The following CENPL variants were observed in gnomAD, a reference collection of about 807,000 sequenced individuals.
CENPL encodes the protein centromere protein L.
CENPL carries 20 observed loss-of-function variants against 35.2 expected under a neutral mutation model. The ratio of observed to expected loss-of-function variants is 0.57; its 90% confidence interval spans 0.40 to 0.83. CENPL has a LOEUF of 0.83. Ranked by LOEUF, CENPL falls within the 40% of genes least tolerant of loss-of-function variation. The pLI is 0.00. For synonymous variants in CENPL, 140 were observed against 140.6 expected (o/e 1.00, Z 0.03); for missense variants, 363 against 395.8 (o/e 0.92, Z 0.70).
intron 5 of CENPL, among the ~76,000 whole-genome samples, chr1:173,800,816 G>A (rs556589864): frequency 3.0e-4 from 45 of 152,120 alleles, no homozygotes; most frequent in Non-Finnish European, 5.3e-4. Flanking sequence ...AAACAGCCAG[G>A]TGTAATGGTA....
chr1:173,812,420 C>A (rs965078517), intron 2 of CENPL, among the ~76,000 whole-genome samples: 1 of 152,182 alleles, frequency 6.6e-6, no homozygotes, highest in Non-Finnish European at 1.5e-5. Flanking sequence ...CCAGTAGGGG[C>A]CGACTGACAC....
rs575833672 is a variant in CENPL, at chr1:173,817,705, CAT to C, written c.-8+6219_-8+6220del. 5.9e-5 allele frequency among the ~76,000 whole-genome samples: 9 copies of C among 152,286 alleles called. No individual in the cohort carries two copies. The South Asian group carries it at 1.2e-3, about 21-fold the overall frequency. On this transcript the variant is annotated intron_variant, in intron 2 of 5. Transcript: ENST00000682279. ...ATGCTATTATAAAGACACATGCACA[CAT>C]ATGTTTATTGCGGCACTATTCACAA...
chr1:173,805,509 C>CAAAAAAAAAA (rs1409340810), intron 4 of CENPL, among the ~76,000 whole-genome samples: 1 of 78,198 alleles, frequency 1.3e-5, no homozygotes, highest in African/African-American at 4.2e-5. Context: ...GAAGCTGTCT[C>CAAAAAAAAAA]AAAAAAAAAA....
chr1:173,801,081 T>G (rs1649704907), intron 5 of CENPL, among the ~76,000 whole-genome samples: 1 of 152,206 alleles, frequency 6.6e-6, no homozygotes, highest in South Asian at 2.1e-4. Flanking sequence ...AAAACATGAA[T>G]ATAGTGCTTA....
chr1:173,817,755 C>T (rs1313449359), intron 2 of CENPL, among the ~76,000 whole-genome samples: 2 of 152,092 alleles, frequency 1.3e-5, no homozygotes, highest in Non-Finnish European at 2.9e-5. Context: ...GGAACCAACC[C>T]AAATGTCCAC....
chr1:173,822,568 T>C (rs2102620145), intron 2 of CENPL: 1 of 152,314 alleles, frequency 6.6e-6, no homozygotes. Flanking sequence ...GCTTCACATC[T>C]TATTCAATCT....
At position 173,800,529 on chromosome 1, in the gene CENPL, GA is replaced by G; in HGVS notation, c.964-11del. On this transcript the variant is annotated splice_polypyrimidine_tract_variant and intron_variant, in intron 5 of 5. Coordinates refer to ENST00000682279, the MANE Select transcript of CENPL (RefSeq NM_001387287.1). ...ATTTATGACACAGAATCTGCAAAAA[GA>G]AAAAGAAGGAGACATTTAAAATTAG... 1 of 1,169,982 alleles carries G rather than the reference GA, an allele frequency of 8.5e-7. No homozygotes were observed. Among genetic ancestry groups the G allele is most frequent in the Non-Finnish European group, 1.3e-6 (1 of 797,304 alleles). The allele number at this position is 1,169,982 out of a possible 1,614,324, so 72.5% of individuals were successfully genotyped here.
At chr1:173,823,178 T>G (rs528077619) in intron 2 of CENPL, 1 of 152,376 alleles carries the variant, frequency 6.6e-6, no homozygotes, top group East Asian at 1.9e-4. Context: ...GTCACCACTT[T>G]TATCATTACC....
intron 2 of CENPL, among the ~76,000 whole-genome samples, chr1:173,820,887 G>T (rs1244289048): frequency 6.6e-6 from 1 of 152,176 alleles, no homozygotes; most frequent in Non-Finnish European, 1.5e-5. Context: ...CAGGGAAAGG[G>T]AAGAGGGTGG....
At chr1:173,814,924 T>A (rs574246889) in intron 2 of CENPL, among the ~76,000 whole-genome samples, 28 of 152,162 alleles carry the variant, frequency 1.8e-4, no homozygotes, top group African/African-American at 6.5e-4. Context: ...ATCAATAAAG[T>A]TGATAGACCG....
intron 2 of CENPL, among the ~76,000 whole-genome samples, chr1:173,814,370 C>T (rs1212128275): frequency 6.6e-6 from 1 of 152,166 alleles, no homozygotes; most frequent in Non-Finnish European, 1.5e-5. Context: ...CCCAAATCAA[C>T]AGAATATACA....
chr1:173,811,330 G>C, intron 2 of CENPL, 24 bp from the exon 3 acceptor site: 1 of 1,531,116 alleles, frequency 6.5e-7, no homozygotes, highest in South Asian at 1.2e-5. Context: ...AACAAAACCA[G>C]AATTCTAAGC....
intron 5 of CENPL, among the ~76,000 whole-genome samples, chr1:173,801,698 T>C (rs1275237913): frequency 6.6e-6 from 1 of 151,824 alleles, no homozygotes; most frequent in African/African-American, 2.4e-5. Flanking sequence ...CAGGCACCTG[T>C]AGTCCCAGCT....
At chr1:173,821,562 T>C (rs1274298114) in intron 2 of CENPL, among the ~76,000 whole-genome samples, 2 of 152,196 alleles carry the variant, frequency 1.3e-5, no homozygotes, top group Non-Finnish European at 2.9e-5. Context: ...CAATTGTGTA[T>C]TTAATGTTAA....
intron 3 of CENPL, among the ~76,000 whole-genome samples, chr1:173,810,506 C>A (rs1255104351): frequency 6.6e-6 from 1 of 151,942 alleles, no homozygotes; most frequent in African/African-American, 2.4e-5. Context: ...TGCACATATA[C>A]CCCTTAACTT....
chr1:173,800,478 CA>C lies in CENPL; in HGVS notation c.1004del (p.Leu335Ter). ...CAATTTGAAAAATTGCCAGTTCTGT[CA>C]AATATGCTAACACTCCAATAAGGTA... is the stretch of plus-strand genomic sequence containing the variant. ...HKYLIGVLAY[L>X]TELAIFQIE On this transcript the variant is annotated frameshift_variant, in exon 6 of 6. Transcript: ENST00000682279. LOFTEE classifies it high-confidence loss of function. 1 of 1,500,254 alleles carries C rather than the reference CA, an allele frequency of 6.7e-7. No individual in the cohort carries two copies. The highest frequency in any genetic ancestry group is 9.3e-7 in the Non-Finnish European group (1 of 1,078,284). 92.9% of individuals were successfully genotyped at this position (1,500,254 alleles called of 1,614,324 possible).
At chr1:173,813,643 C>A (rs192773331) in intron 2 of CENPL, among the ~76,000 whole-genome samples, 1 of 152,126 alleles carries the variant, frequency 6.6e-6, no homozygotes, top group Non-Finnish European at 1.5e-5. Flanking sequence ...TTTGTCACCA[C>A]GAGGCCTGCC....
At chr1:173,819,118 T>G (rs1298081882) in intron 2 of CENPL, among the ~76,000 whole-genome samples, 2 of 151,888 alleles carry the variant, frequency 1.3e-5, no homozygotes, top group Non-Finnish European at 2.9e-5. Flanking sequence ...ACACCTGTGG[T>G]CCCAGCTACT....
In CENPL at chr1:173,806,162, G is replaced by C. The variant is rs142200854; in HGVS notation, c.420+1105C>G. Reference sequence around the variant, plus strand: ...GATCAGATTTGGCCTATGGGCCATGGTTTACTGACTCTAATCTATACAAAC... The same window carrying C: ...GATCAGATTTGGCCTATGGGCCATGCTTTACTGACTCTAATCTATACAAAC... On this transcript the variant is annotated intron_variant, in intron 4 of 5. Transcript: ENST00000682279. Among the ~76,000 whole-genome samples the C allele has an allele frequency of 1.4e-4, 22 of 152,310 alleles. 1 individual carries two copies. Among genetic ancestry groups the C allele is most frequent in the African/African-American group, 5.1e-4 (21 of 41,566 alleles).
Sources: gnomAD v4.1 joint callset for allele counts (sites outside exome capture counted in the v4.1 genomes callset) on GRCh38, gnomAD v4.1.1 for gene constraint, MANE v1.5 for transcripts, NCBI Gene and HGNC (gene_info 2026-07-23, HGNC 2026-07-21) for gene names.